ZNF462: variants seen among roughly 807,000 people sequenced by gnomAD.
ZNF462 encodes the protein zinc finger PBX1-interacting protein.
Under a neutral mutation model 201.9 loss-of-function variants are expected in ZNF462, and 10 were observed. The ratio of observed to expected loss-of-function variants is 0.05; its 90% CI spans 0.03 to 0.08. The LOEUF is 0.08. Ranked by LOEUF, ZNF462 falls within the 10% of genes least tolerant of loss-of-function variation. ZNF462 has a pLI of 1.00. For missense variants in ZNF462, 2,523 were observed against 3,168.3 expected, an observed-to-expected ratio of 0.80 and a Z score of 4.89; for synonymous variants, 1,227 against 1,193.3, an observed-to-expected ratio of 1.03 and a Z score of -0.58.
intron 11 of ZNF462, among the ~76,000 whole-genome samples, chr9:107,004,638 A>C (rs1829421793): frequency 6.6e-6 from 1 of 152,166 alleles, no homozygotes; most frequent in Admixed American, 6.5e-5. Flanking sequence ...GATGTACAAC[A>C]TGTTTCAAAA....
chr9:106,970,839 T>TTC lies in ZNF462; in HGVS notation c.6428-1165_6428-1164insCT, dbSNP rs1564141214. On this transcript the variant is annotated intron_variant, in intron 7 of 12. Coordinates refer to ENST00000277225, the MANE Select transcript of ZNF462 (RefSeq NM_021224.6). This position sits in a 1 kb window ranked among gnomAD's most constrained non-coding sequence, Gnocchi z 4.2. ...TTATTTTTACTTTTTTTTCTCTTCT[T>TTC]TTTTTTTAATTCAAAGAAGAAACGC... 5.3e-5 allele frequency among the ~76,000 whole-genome samples: 8 copies of TTC among 151,424 alleles called. No homozygotes were observed. Among genetic ancestry groups the TTC allele is most frequent in the African/African-American group, 1.9e-4 (8 of 41,150 alleles).
rs1829492252 is a variant in ZNF462, at chr9:107,005,676, G to A, written c.7189+2250G>A. ...TTGTTTCCTTGGCTGTGCAGAAGCT[G>A]TTTAGTTTGATGTAATTCTGTTTAT... On this transcript the variant is annotated intron_variant, in intron 11 of 12. Coordinates refer to ENST00000277225, the MANE Select transcript of ZNF462 (RefSeq NM_021224.6). This position sits in a 1 kb window ranked among gnomAD's most constrained non-coding sequence, Gnocchi z 4.4. 6.6e-6 allele frequency among the ~76,000 whole-genome samples: 1 copy of A among 152,120 alleles called. No individual in the cohort carries two copies. Among genetic ancestry groups the A allele is most frequent in the Non-Finnish European group, 1.5e-5 (1 of 68,016 alleles).
At position 106,972,312 on chromosome 9, in the gene ZNF462, C is replaced by T. The variant is rs369659441; in HGVS notation, c.6695+40C>T. The T allele has an allele frequency of 6.9e-5, 110 of 1,586,996 alleles. No individual in the cohort carries two copies. The highest frequency in any genetic ancestry group is 1.9e-4 in the South Asian group (16 of 85,482). On this transcript the variant is annotated intron_variant, in intron 8 of 12. Coordinates refer to ENST00000277225, the MANE Select transcript of ZNF462 (RefSeq NM_021224.6). The surrounding 1 kb of genome is among the most constrained non-coding windows in gnomAD (Gnocchi z 4.8). ...GAACAGCTATGGAAAACAAGGCGGC[C>T]GCCCCTGCTCCACCCCTCACTGCAG... is the stretch of plus-strand genomic sequence containing the variant.
Position 107,006,600 on chromosome 9 carries a change from A to G in ZNF462, c.7190-2945A>G, listed in dbSNP as rs1030995181. ...GTGTTTTCTGCTTGTTCTGTCTGCA[A>G]ACATTAAGGAAGCCTATTGGTGGGC... On this transcript the variant is annotated intron_variant, in intron 11 of 12. Coordinates refer to ENST00000277225, the MANE Select transcript of ZNF462 (RefSeq NM_021224.6). The surrounding 1 kb of genome is among the most constrained non-coding windows in gnomAD (Gnocchi z 4.3). 6.6e-6 allele frequency among the ~76,000 whole-genome samples: 1 copy of G among 152,010 alleles called. No homozygotes were observed. The highest frequency in any genetic ancestry group is 1.5e-5 in the Non-Finnish European group (1 of 68,008).
In ZNF462 at chr9:106,917,894, T is replaced by A. The variant is rs368433091; in HGVS notation, c.-30-5460T>A. Among the ~76,000 whole-genome samples, 1 of 143,436 alleles carries A rather than the reference T, an allele frequency of 7.0e-6. No individual in the cohort carries two copies. Among genetic ancestry groups the A allele is most frequent in the African/African-American group, 2.6e-5 (1 of 38,900 alleles). 94.1% of individuals were successfully genotyped at this position (143,436 alleles called of 152,430 possible). ...TATTTATTTATTTATTTATTTATTT[T>A]GTGACAGAGTCTCACTCTGCCACCC... On this transcript the variant is annotated intron_variant, in intron 1 of 12. Coordinates refer to ENST00000277225, the MANE Select transcript of ZNF462 (RefSeq NM_021224.6). This position sits in a 1 kb window ranked among gnomAD's most constrained non-coding sequence, Gnocchi z 4.5.
At chr9:106,995,786 T>C (rs1179602077) in intron 10 of ZNF462, 1 of 152,176 alleles carries the variant, frequency 6.6e-6, no homozygotes, top group Non-Finnish European at 1.5e-5. Context: ...ACAAGCAACT[T>C]TATTTCATGG....
chr9:106,955,076 G>C (rs1008559396), intron 7 of ZNF462, among the ~76,000 whole-genome samples: 1 of 152,040 alleles, frequency 6.6e-6, no homozygotes, highest in Non-Finnish European at 1.5e-5. Context: ...TGGACTCATG[G>C]GCATTTGTTT....
At chr9:106,900,891 T>G (rs969250155) in intron 1 of ZNF462, among the ~76,000 whole-genome samples, 5 of 152,200 alleles carry the variant, frequency 3.3e-5, no homozygotes. Context: ...TTTACTTTAA[T>G]TAGGTCCCAG....
In ZNF462 at chr9:106,928,002, G is replaced by A. The variant is rs367615700; in HGVS notation, c.4090G>A (p.Ala1364Thr). Residue 1364 changes from alanine (A) to threonine (T), a missense_variant, in exon 3 of 13, where the codon GCC (alanine) becomes ACC (threonine). Physicochemically the swap from Ala to Thr is moderately conservative, Grantham distance 58. Transcript: ENST00000277225. The surrounding 1 kb of genome is among the most constrained non-coding windows in gnomAD (Gnocchi z 9.3). Reference sequence around the variant, plus strand: ...ATCCCCTCCCTCTCTCACAATGCCAGCCGAAGCCAAAACCTACAGATGCAG... The same window carrying A: ...ATCCCCTCCCTCTCTCACAATGCCAACCGAAGCCAAAACCTACAGATGCAG... ...DPSPPSLTMP[A>T]EAKTYRCRDC... 1.2e-5 allele frequency: 19 copies of A among 1,614,152 alleles called. No individual in the cohort carries two copies. Among genetic ancestry groups the A allele is most frequent in the Non-Finnish European group, 1.6e-5 (19 of 1,180,018 alleles).
intron 7 of ZNF462, among the ~76,000 whole-genome samples, chr9:106,943,060 G>C (rs1320825493): frequency 2.8e-5 from 2 of 72,536 alleles, no homozygotes; most frequent in East Asian, 5.8e-4. Flanking sequence ...TTGCGCGCGC[G>C]TGTGTGTGTG....
chr9:106,974,628 T>C lies in ZNF462; in HGVS notation c.6832+355T>C, dbSNP rs1826858735. The C allele has an allele frequency of 8.7e-6, 3 of 344,228 alleles. No homozygotes were observed. The highest frequency in any genetic ancestry group is 5.6e-6 in the Non-Finnish European group (1 of 178,074). 21.3% of individuals were successfully genotyped at this position (344,228 alleles called of 1,614,324 possible). On this transcript the variant is annotated intron_variant, in intron 9 of 12. Transcript: ENST00000277225. This position sits in a 1 kb window ranked among gnomAD's most constrained non-coding sequence, Gnocchi z 4.0. Reference sequence around the variant, plus strand: ...AACAAAATGGGTGGGTGAAAGCAAATGTGAAATGTGGAGAGCTCTATGGCT... The same window carrying C: ...AACAAAATGGGTGGGTGAAAGCAAACGTGAAATGTGGAGAGCTCTATGGCT...
At chr9:106,998,296 T>C (rs1241739634) in intron 10 of ZNF462, among the ~76,000 whole-genome samples, 1 of 152,186 alleles carries the variant, frequency 6.6e-6, no homozygotes, top group Admixed American at 6.5e-5. Flanking sequence ...CAATGTAATC[T>C]GAAGACAAGG....
chr9:106,877,605 CAGG>C (rs1054609263), intron 1 of ZNF462, among the ~76,000 whole-genome samples: 8 of 151,990 alleles, frequency 5.3e-5, no homozygotes, highest in African/African-American at 1.7e-4. Flanking sequence ...TGGTCTTGAA[CAGG>C]AGTTCAAGTG....
chr9:106,969,911 C>T (rs947344426), intron 7 of ZNF462, among the ~76,000 whole-genome samples: 1 of 152,146 alleles, frequency 6.6e-6, no homozygotes, highest in Non-Finnish European at 1.5e-5. Context: ...TGGCAGTGCT[C>T]AACTTACAGC....
At position 106,929,861 on chromosome 9, in the gene ZNF462, G is replaced by T; in HGVS notation, c.5847+102G>T. Reference sequence around the variant, plus strand: ...GCCAAACTGCTGCAGGCTTCCTAGTGACTTAGCTTGCCAGAGAGCTCAATA... The same window carrying T: ...GCCAAACTGCTGCAGGCTTCCTAGTTACTTAGCTTGCCAGAGAGCTCAATA... On this transcript the variant is annotated intron_variant, in intron 3 of 12. Transcript: ENST00000277225. This position sits in a 1 kb window ranked among gnomAD's most constrained non-coding sequence, Gnocchi z 8.7. The T allele has an allele frequency of 9.3e-7, 1 of 1,070,056 alleles. No individual in the cohort carries two copies. The highest frequency in any genetic ancestry group is 1.4e-6 in the Non-Finnish European group (1 of 740,318). The allele number at this position is 1,070,056 out of a possible 1,614,324, so 66.3% of individuals were successfully genotyped here.
intron 1 of ZNF462, among the ~76,000 whole-genome samples, chr9:106,893,531 T>C (rs993580361): frequency 3.3e-5 from 5 of 152,204 alleles, no homozygotes; most frequent in African/African-American, 9.7e-5. Context: ...ATGGAACTTG[T>C]AAACAGTACT....
intron 10 of ZNF462, among the ~76,000 whole-genome samples, chr9:106,996,574 G>A (rs898990955): frequency 2.6e-5 from 4 of 152,078 alleles, no homozygotes; most frequent in Admixed American, 2.0e-4. Context: ...GTGATGATGA[G>A]CATTTTTTCA....
In ZNF462 at chr9:106,974,334, C is replaced by T; in HGVS notation, c.6832+61C>T. On this transcript the variant is annotated intron_variant, in intron 9 of 12. Transcript: ENST00000277225. This position sits in a 1 kb window ranked among gnomAD's most constrained non-coding sequence, Gnocchi z 4.0. ...GGGGGCAGGCAGCAGAGATGGCCTT[C>T]TAGGGATGCTCTCTCAGAGTGGCAG... 1 of 1,611,114 alleles carries T rather than the reference C, an allele frequency of 6.2e-7. No homozygotes were observed. The highest frequency in any genetic ancestry group is 1.3e-5 in the African/African-American group (1 of 74,990).
chr9:106,975,660 G>A (rs1037930257), intron 9 of ZNF462: 2 of 152,398 alleles, frequency 1.3e-5, no homozygotes, highest in African/African-American at 2.4e-5. Flanking sequence ...CCCATGTGTT[G>A]CGGTGGCTCT....
Sources: allele counts gnomAD v4.1 joint callset (sites outside exome capture counted in the v4.1 genomes callset), GRCh38; gene constraint gnomAD v4.1.1; non-coding constraint Gnocchi (gnomAD v3.1); transcripts MANE v1.5; gene names NCBI Gene and HGNC (gene_info 2026-07-23, HGNC 2026-07-21).